The following CADPS variants were observed in gnomAD, a reference collection of about 807,000 sequenced individuals.
CADPS encodes calcium dependent secretion activator.
CADPS carries 57 observed loss-of-function variants against 167.3 expected under a neutral mutation model. That is an observed-to-expected ratio of 0.34 (90% CI 0.28 to 0.42). The LOEUF (loss-of-function observed/expected upper bound fraction) is 0.42. CADPS is among the 20% of genes least tolerant of loss of function. The probability of loss-of-function intolerance (pLI) is 1.00; values close to 1 mark genes in which losing one functional copy is unlikely to be tolerated. For synonymous variants in CADPS, 676 were observed against 635.3 expected, an observed-to-expected ratio of 1.06 and a Z score of -0.96; for missense variants, 1,414 against 1,738.1, an observed-to-expected ratio of 0.81 and a Z score of 3.32.
At chr3:62,463,895 T>C (rs1353994482) in intron 26 of CADPS, among the ~76,000 whole-genome samples, 2 of 152,176 alleles carry the variant, frequency 1.3e-5, no homozygotes, top group African/African-American at 4.8e-5. Flanking sequence ...CCTGGGAAGG[T>C]CAGAACTGCA....
intron 28 of CADPS, among the ~76,000 whole-genome samples, chr3:62,415,272 C>T (rs1017893495): frequency 6.6e-6 from 1 of 152,084 alleles, no homozygotes; most frequent in African/African-American, 2.4e-5. Flanking sequence ...CTCGGTTGCT[C>T]GGTGGCTGGG....
chr3:62,809,070 A>G (rs1173129077), intron 1 of CADPS, among the ~76,000 whole-genome samples: 1 of 152,160 alleles, frequency 6.6e-6, no homozygotes, highest in Non-Finnish European at 1.5e-5. Context: ...TGCCAGATAT[A>G]GCTCAGATCC....
chr3:62,626,083 T>C (rs1206723474), intron 6 of CADPS: 1 of 152,346 alleles, frequency 6.6e-6, no homozygotes, highest in Non-Finnish European at 1.4e-5. Flanking sequence ...TTTCCAAGGC[T>C]GTAATAAAAT....
intron 6 of CADPS, among the ~76,000 whole-genome samples, chr3:62,607,463 G>A (rs962082834): frequency 6.6e-6 from 1 of 152,186 alleles, no homozygotes; most frequent in Non-Finnish European, 1.5e-5. Flanking sequence ...AGGCACTCCC[G>A]ATCGAGCCTC....
At chr3:62,685,920 T>C (rs2077950825) in intron 3 of CADPS, among the ~76,000 whole-genome samples, 1 of 152,086 alleles carries the variant, frequency 6.6e-6, no homozygotes, top group Non-Finnish European at 1.5e-5. Flanking sequence ...ACCCCTGTTT[T>C]ATAGCACTAT....
At chr3:62,846,344 T>A (rs2077430261) in intron 1 of CADPS, among the ~76,000 whole-genome samples, 1 of 152,226 alleles carries the variant, frequency 6.6e-6, no homozygotes, top group South Asian at 2.1e-4. Context: ...CCATGTGTAA[T>A]GTATAAATGT....
Position 62,447,629 on chromosome 3 carries a change from GAAGT to G in CADPS, c.3637-1836_3637-1833del, listed in dbSNP as rs2057412875. On this transcript the variant is annotated intron_variant, in intron 26 of 29. Coordinates refer to ENST00000383710, the MANE Select transcript of CADPS (RefSeq NM_003716.4). ...CCAGTTCTGGCCTCAGGATGATTGA[GAAGT>G]AAGCAGAGGCAAGATTGCATCAAGG... Among the ~76,000 whole-genome samples the G allele has an allele frequency of 8.5e-5, 13 of 152,290 alleles. No individual in the cohort carries two copies. The South Asian group carries it at 2.7e-3, about 32-fold the overall frequency.
intron 3 of CADPS, among the ~76,000 whole-genome samples, chr3:62,673,686 GC>G (rs2075911371): frequency 6.6e-6 from 1 of 151,988 alleles, no homozygotes. Flanking sequence ...TATTTTCATT[GC>G]CATTCGTTTT....
chr3:62,587,767 C>T (rs2084970131), intron 7 of CADPS, among the ~76,000 whole-genome samples: 1 of 152,148 alleles, frequency 6.6e-6, no homozygotes, highest in Middle Eastern at 3.2e-3. Flanking sequence ...AGACTTTGTC[C>T]CCTGTGCAAC....
intron 7 of CADPS, among the ~76,000 whole-genome samples, chr3:62,589,627 A>G (rs1578326195): frequency 6.6e-6 from 1 of 152,194 alleles, no homozygotes; most frequent in Admixed American, 6.5e-5. Context: ...TGGCTGCCTC[A>G]GTAGGGTTGT....
At chr3:62,835,942 T>C (rs936837571) in intron 1 of CADPS, among the ~76,000 whole-genome samples, 1 of 152,220 alleles carries the variant, frequency 6.6e-6, no homozygotes, top group African/African-American at 2.4e-5. Context: ...CCTTCTCTTT[T>C]TCTCTTCAAG....
Position 62,799,373 on chromosome 3 carries a change from C to A in CADPS, c.442-33389G>T, listed in dbSNP as rs114010069. Among the ~76,000 whole-genome samples, 1,479 of 152,224 alleles carry A rather than the reference C, an allele frequency of 9.7e-3. 24 individuals carry two copies. Among genetic ancestry groups the A allele is most frequent in the African/African-American group, 0.033 (1,376 of 41,550 alleles). On this transcript the variant is annotated intron_variant, in intron 1 of 29. Transcript: ENST00000383710. Reference sequence around the variant, plus strand: ...GGAGGCAGACTACCTAGATTCAAATCGGCTCTGTCACCTACTTGCTCAACA... The same window carrying A: ...GGAGGCAGACTACCTAGATTCAAATAGGCTCTGTCACCTACTTGCTCAACA...
intron 26 of CADPS, among the ~76,000 whole-genome samples, chr3:62,462,224 C>A (rs148527542): frequency 1.4e-4 from 22 of 152,332 alleles, no homozygotes; most frequent in African/African-American, 5.3e-4. Flanking sequence ...GTTCGAAAGG[C>A]GCCTGCCTCC....
chr3:62,576,787 C>CAAAAAAAAAAA (rs2082346847), intron 8 of CADPS, among the ~76,000 whole-genome samples: 1 of 44,864 alleles, frequency 2.2e-5, no homozygotes, highest in Non-Finnish European at 3.5e-5. Flanking sequence ...AAGACTCTGT[C>CAAAAAAAAAAA]TAAAAAAAAA....
At chr3:62,795,742 C>T (rs1056242620) in intron 1 of CADPS, among the ~76,000 whole-genome samples, 7 of 152,182 alleles carry the variant, frequency 4.6e-5, no homozygotes, top group African/African-American at 1.4e-4. Flanking sequence ...ATGATTTCCA[C>T]AGAACCTTCT....
chr3:62,495,217 G>T lies in CADPS; in HGVS notation c.2707-1552C>A, dbSNP rs78437543. Among the ~76,000 whole-genome samples the T allele has an allele frequency of 4.2e-3, 638 of 152,244 alleles. 5 individuals carry two copies. Among genetic ancestry groups the T allele is most frequent in the African/African-American group, 0.015 (611 of 41,526 alleles). On this transcript the variant is annotated intron_variant, in intron 18 of 29. Transcript: ENST00000383710. ...TGAACCAAGAGAATTTAAATTTGGG[G>T]ACTGTAGAGTAAGTGAGGACCAGAG...
intron 17 of CADPS, among the ~76,000 whole-genome samples, chr3:62,503,347 T>C (rs1362930548): frequency 6.6e-6 from 1 of 152,234 alleles, no homozygotes; most frequent in Non-Finnish European, 1.5e-5. Flanking sequence ...TTTCCTCATC[T>C]ATAAATTGAG....
chr3:62,489,936 T>C (rs760594246), intron 21 of CADPS, among the ~76,000 whole-genome samples: 1 of 152,176 alleles, frequency 6.6e-6, no homozygotes. Context: ...GAGACTGTTA[T>C]AAACTGGAGA....
chr3:62,698,731 C>CTTT lies in CADPS; in HGVS notation c.889-36340_889-36338dup, dbSNP rs201324385. ...TCTCCTTTCCTTTCCTCCCCACTTCCTTTTTTTTTTTTTTTTTTTTTTTTT... is the reference window on the plus strand; with the variant it reads ...TCTCCTTTCCTTTCCTCCCCACTTCCTTTTTTTTTTTTTTTTTTTTTTTTTTTT... On this transcript the variant is annotated intron_variant, in intron 3 of 29. Transcript: ENST00000383710. Among the ~76,000 whole-genome samples the CTTT allele has an allele frequency of 4.3e-4, 29 of 67,236 alleles. 3 individuals carry two copies. The highest frequency in any genetic ancestry group is 1.7e-3 in the East Asian group (3 of 1,792). 44.1% of individuals were successfully genotyped at this position (67,236 alleles called of 152,430 possible).
Sources: gnomAD v4.1 joint callset for allele counts (sites outside exome capture counted in the v4.1 genomes callset) on GRCh38, gnomAD v4.1.1 for gene constraint, MANE v1.5 for transcripts, NCBI Gene and HGNC (gene_info 2026-07-23, HGNC 2026-07-21) for gene names.